ZNF804A: variants seen among roughly 807,000 people sequenced by gnomAD.
ZNF804A encodes zinc finger protein 804A.
ZNF804A carries 2 observed loss-of-function variants against 16.5 expected under a neutral mutation model. That is an observed-to-expected ratio of 0.12 (90% CI 0.05 to 0.38). The LOEUF (loss-of-function observed/expected upper bound fraction) is 0.38. Ranked by LOEUF, ZNF804A falls within the 10% of genes least tolerant of loss-of-function variation. The pLI is 0.99. For synonymous variants in ZNF804A, 534 were observed against 489.6 expected, an observed-to-expected ratio of 1.09 and a Z score of -1.20; for missense variants, 1,473 against 1,390.7, an observed-to-expected ratio of 1.06 and a Z score of -0.94.
chr2:184,937,114 T>C lies in ZNF804A; in HGVS notation c.1718T>C (p.Leu573Pro). The C allele has an allele frequency of 6.2e-7, 1 of 1,604,216 alleles. No individual in the cohort carries two copies. The highest frequency in any genetic ancestry group is 8.5e-7 in the Non-Finnish European group (1 of 1,177,606). ...FTKSQIKQDT[L>P]DEKYNKIRLK... ...AAAAGTCAAATAAAACAGGACACTC[T>C]AGATGAAAAATACAACAAAATAAGG... The change falls in exon 4 of 4, where the codon CTA becomes CCA. Residue 573 changes from leucine to proline, a missense_variant. Physicochemically the swap from Leu to Pro is moderately conservative, Grantham distance 98. Coordinates refer to ENST00000302277, the MANE Select transcript of ZNF804A (RefSeq NM_194250.2).
intron 1 of ZNF804A, among the ~76,000 whole-genome samples, chr2:184,729,025 C>T (rs1693468390): frequency 6.6e-6 from 1 of 151,668 alleles, no homozygotes; most frequent in Admixed American, 6.6e-5. Context: ...CTAGTGGTTG[C>T]CAGAAGCTAG....
intron 1 of ZNF804A, among the ~76,000 whole-genome samples, chr2:184,643,354 G>C (rs1691822347): frequency 6.6e-6 from 1 of 151,756 alleles, no homozygotes; most frequent in Admixed American, 6.6e-5. Flanking sequence ...TCCCATAAAT[G>C]GCAATAAAAA....
At chr2:184,790,025 C>G (rs1267743101) in intron 1 of ZNF804A, among the ~76,000 whole-genome samples, 1 of 151,890 alleles carries the variant, frequency 6.6e-6, no homozygotes, top group African/African-American at 2.4e-5. Context: ...TATATTATAT[C>G]TCTATTTTCA....
intron 1 of ZNF804A, among the ~76,000 whole-genome samples, chr2:184,856,712 A>G (rs1695693489): frequency 6.6e-6 from 1 of 152,060 alleles, no homozygotes. Flanking sequence ...TGTTGCATGC[A>G]TATAATTGAA....
At chr2:184,855,351 C>G (rs1039179737) in intron 1 of ZNF804A, among the ~76,000 whole-genome samples, 1 of 152,042 alleles carries the variant, frequency 6.6e-6, no homozygotes, top group Non-Finnish European at 1.5e-5. Context: ...ATTGGTTTCA[C>G]AAACCTTTGT....
chr2:184,917,317 A>G (rs1344428240), intron 2 of ZNF804A, among the ~76,000 whole-genome samples: 3 of 152,190 alleles, frequency 2.0e-5, no homozygotes, highest in Admixed American at 6.5e-5. Context: ...CCAGAAGATA[A>G]TTTAAAGTCA....
intron 1 of ZNF804A, among the ~76,000 whole-genome samples, chr2:184,858,018 T>C (rs1695730315): frequency 6.6e-6 from 1 of 152,136 alleles, no homozygotes; most frequent in Non-Finnish European, 1.5e-5. Context: ...GGTTATTTTG[T>C]AGATCTTTTG....
chr2:184,704,155 C>T (rs1268926111), intron 1 of ZNF804A, among the ~76,000 whole-genome samples: 2 of 145,820 alleles, frequency 1.4e-5, no homozygotes, highest in South Asian at 2.2e-4. Context: ...TTCAGGAAAT[C>T]TTTTTTTTTT....
chr2:184,846,376 G>A (rs548553428), intron 1 of ZNF804A, among the ~76,000 whole-genome samples: 1 of 152,184 alleles, frequency 6.6e-6, no homozygotes, highest in African/African-American at 2.4e-5. Context: ...AGAGAAAATG[G>A]CCAATGCCTA....
intron 1 of ZNF804A, among the ~76,000 whole-genome samples, chr2:184,772,922 A>C (rs7421161): frequency 1.7e-3 from 193 of 110,918 alleles, no homozygotes; most frequent in African/African-American, 5.4e-3. Context: ...ACACACACAC[A>C]CCCCACACAC....
At chr2:184,768,958 G>T (rs1161763823) in intron 1 of ZNF804A, among the ~76,000 whole-genome samples, 1 of 152,012 alleles carries the variant, frequency 6.6e-6, no homozygotes, top group African/African-American at 2.4e-5. Flanking sequence ...AACTACAAAA[G>T]AATCAGATCA....
chr2:184,872,455 T>C (rs991936742), intron 2 of ZNF804A, among the ~76,000 whole-genome samples: 2 of 152,116 alleles, frequency 1.3e-5, no homozygotes, highest in Non-Finnish European at 2.9e-5. Flanking sequence ...GCTATTATAT[T>C]GCATTTCTGG....
intron 1 of ZNF804A, among the ~76,000 whole-genome samples, chr2:184,837,876 T>C (rs1695378864): frequency 6.6e-6 from 1 of 152,116 alleles, no homozygotes; most frequent in South Asian, 2.1e-4. Context: ...GCCTTCTCAG[T>C]GGCTTTGGTC....
At chr2:184,622,180 G>T (rs1228273015) in intron 1 of ZNF804A, among the ~76,000 whole-genome samples, 1 of 151,714 alleles carries the variant, frequency 6.6e-6, no homozygotes, top group African/African-American at 2.4e-5. Flanking sequence ...TTCATTGAAA[G>T]GGTACAATGA....
intron 1 of ZNF804A, among the ~76,000 whole-genome samples, chr2:184,620,148 ATAAAG>A (rs1381753702): frequency 6.6e-6 from 1 of 151,954 alleles, no homozygotes; most frequent in Non-Finnish European, 1.5e-5. Context: ...TTTGAAAAAC[ATAAAG>A]TAATCACACT....
At chr2:184,714,337 G>A (rs1365527251) in intron 1 of ZNF804A, among the ~76,000 whole-genome samples, 3 of 151,982 alleles carry the variant, frequency 2.0e-5, no homozygotes, top group African/African-American at 4.8e-5. Context: ...ACATTTAAAT[G>A]TCTCCATTTT....
chr2:184,759,927 G>A (rs979070172), intron 1 of ZNF804A, among the ~76,000 whole-genome samples: 5 of 151,908 alleles, frequency 3.3e-5, no homozygotes, highest in Non-Finnish European at 5.9e-5. Context: ...CTCTCTTTTC[G>A]GACTCAGCCC....
Position 184,876,878 on chromosome 2 carries a change from C to A in ZNF804A, c.255+10366C>A, listed in dbSNP as rs572392167. 6.6e-5 allele frequency among the ~76,000 whole-genome samples: 10 copies of A among 152,066 alleles called. No homozygotes were observed. The South Asian group carries it at 2.1e-3, about 32-fold the overall frequency. ...GTCCTGTTACCTAAATATAATTATTCCCCACCAAAAGAAAAAAGAATGCAA... is the reference window on the plus strand; with the variant it reads ...GTCCTGTTACCTAAATATAATTATTACCCACCAAAAGAAAAAAGAATGCAA... On this transcript the variant is annotated intron_variant, in intron 2 of 3. Coordinates refer to ENST00000302277, the MANE Select transcript of ZNF804A (RefSeq NM_194250.2).
chr2:184,791,566 C>A (rs536225530), intron 1 of ZNF804A, among the ~76,000 whole-genome samples: 64 of 152,034 alleles, frequency 4.2e-4, no homozygotes, highest in African/African-American at 1.4e-3. Flanking sequence ...AGGTTCACAG[C>A]AAAATTGAAA....
Sources: gnomAD v4.1 joint callset for allele counts (sites outside exome capture counted in the v4.1 genomes callset) on GRCh38, gnomAD v4.1.1 for gene constraint, MANE v1.5 for transcripts, NCBI Gene and HGNC (gene_info 2026-07-23, HGNC 2026-07-21) for gene names.